The following PCDHGA4 variants were observed in gnomAD, a reference collection of about 807,000 sequenced individuals.
The protein encoded by PCDHGA4 is protocadherin gamma subfamily A, 4, also known as protocadherin gamma-A4.
A neutral mutation model predicts 54.6 loss-of-function variants in PCDHGA4; 38 were observed. That is an observed-to-expected ratio of 0.70 (90% CI 0.54 to 0.91). The LOEUF (loss-of-function observed/expected upper bound fraction) is 0.91, where lower values mean the gene tolerates loss of function less well. Ranked by LOEUF, PCDHGA4 falls within the 40% of genes least tolerant of loss-of-function variation. PCDHGA4 has a pLI of 0.00. For missense variants in PCDHGA4, 1,298 were observed against 1,220.9 expected (o/e 1.06, Z -0.94); for synonymous variants, 511 against 512.9 (o/e 1.00, Z 0.05).
intron 1 of PCDHGA4, among the ~76,000 whole-genome samples, chr5:141,407,684 G>C (rs2094967978): frequency 6.6e-6 from 1 of 152,094 alleles, no homozygotes; most frequent in South Asian, 2.1e-4. Flanking sequence ...GATTGGCTTT[G>C]TGGTGATCAT....
At chr5:141,470,838 C>T (rs142581300) in intron 1 of PCDHGA4, among the ~76,000 whole-genome samples, 5 of 152,222 alleles carry the variant, frequency 3.3e-5, no homozygotes, top group African/African-American at 7.2e-5. Flanking sequence ...CAAACACACG[C>T]CACCATGCTC....
intron 1 of PCDHGA4, chr5:141,361,170 T>C (rs1561522819): frequency 6.2e-7 from 1 of 1,613,976 alleles, no homozygotes; most frequent in Non-Finnish European, 8.5e-7. Flanking sequence ...ATTGTGCACC[T>C]GAAGTTATTG....
At chr5:141,433,400 TATCTATTA>T (rs1426636766) in intron 1 of PCDHGA4, among the ~76,000 whole-genome samples, 16 of 151,506 alleles carry the variant, frequency 1.1e-4, no homozygotes, top group African/African-American at 3.4e-4. Context: ...TCTATCTATC[TATCTATTA>T]CTTTCTTGTA....
chr5:141,389,837 A>C, intron 1 of PCDHGA4: 2 of 1,613,842 alleles, frequency 1.2e-6, no homozygotes, highest in South Asian at 2.2e-5. Context: ...GACAGCCACC[A>C]CTCTCGGCCA....
intron 1 of PCDHGA4, chr5:141,418,028 A>C (rs767425160): frequency 1.2e-6 from 2 of 1,613,970 alleles, no homozygotes; most frequent in East Asian, 4.5e-5. Context: ...TCTAGGGCTT[A>C]GTGTCCTGGA....
chr5:141,370,824 G>C, intron 1 of PCDHGA4: 1 of 1,613,996 alleles, frequency 6.2e-7, no homozygotes, highest in Non-Finnish European at 8.5e-7. Flanking sequence ...GGAAATCAGC[G>C]AACTGGCTCT....
intron 1 of PCDHGA4, chr5:141,423,851 C>A (rs1311833319): frequency 2.4e-6 from 3 of 1,275,940 alleles, no homozygotes; most frequent in East Asian, 3.1e-5. Context: ...TCTTTCAGAA[C>A]GTTTTTGTGA....
At position 141,356,171 on chromosome 5, in the gene PCDHGA4, G is replaced by A; in HGVS notation, c.1064G>A (p.Gly355Glu). 1 of 1,612,890 alleles carries A rather than the reference G, an allele frequency of 6.2e-7. No individual in the cohort carries two copies. Among genetic ancestry groups the A allele is most frequent in the South Asian group, 1.1e-5 (1 of 90,768 alleles). ...FYDIDVEAHD[G>E]PGLRARSKVL... ...GACATAGATGTAGAAGCCCATGATG[G>A]GCCTGGTCTCCGAGCTAGAAGCAAG... Residue 355 changes from glycine (G) to glutamate (E), a missense_variant, in exon 1 of 4, where the codon GGG becomes GAG. Physicochemically the swap from Gly to Glu is moderately conservative, Grantham distance 98. Transcript: ENST00000571252.
At position 141,427,625 on chromosome 5, in the gene PCDHGA4, T is replaced by G. The variant is rs150347956; in HGVS notation, c.2515-67182T>G. On this transcript the variant is annotated intron_variant, in intron 1 of 3. Coordinates refer to ENST00000571252, the MANE Select transcript of PCDHGA4 (RefSeq NM_018917.4). Reference sequence around the variant, plus strand: ...GCATTGGTGAAGTCAACGACAATGCTCCGGTTTTCCACCAAGTCTCCTACG... The same window carrying G: ...GCATTGGTGAAGTCAACGACAATGCGCCGGTTTTCCACCAAGTCTCCTACG... The G allele has an allele frequency of 2.7e-3, 1,907 of 699,068 alleles. 5 individuals are homozygous for G. The highest frequency in any genetic ancestry group is 4.1e-3 in the Non-Finnish European group (1,558 of 384,098). The allele number at this position is 699,068 out of a possible 1,614,324, so 43.3% of individuals were successfully genotyped here.
Position 141,432,236 on chromosome 5 carries a change from G to A in PCDHGA4, c.2515-62571G>A, listed in dbSNP as rs752735346. On this transcript the variant is annotated intron_variant, in intron 1 of 3. Coordinates refer to ENST00000571252, the MANE Select transcript of PCDHGA4 (RefSeq NM_018917.4). This position sits in a 1 kb window ranked among gnomAD's most constrained non-coding sequence, Gnocchi z 6.0. ...CGCCCAGATCACTTATTCCCTGGCT[G>A]AGAACACCATCCAAGGGGCAAGCCT... is the stretch of plus-strand genomic sequence containing the variant. The A allele has an allele frequency of 8.7e-6, 14 of 1,614,130 alleles. No individual in the cohort carries two copies. The African/African-American group carries it at 9.3e-5, about 11-fold the overall frequency.
At chr5:141,471,078 T>C (rs1370939177) in intron 1 of PCDHGA4, among the ~76,000 whole-genome samples, 1 of 142,250 alleles carries the variant, frequency 7.0e-6, no homozygotes, top group Non-Finnish European at 1.5e-5. Context: ...AGACAGGGTC[T>C]CCCTCTGTTG....
intron 1 of PCDHGA4, among the ~76,000 whole-genome samples, chr5:141,438,498 CAT>C (rs2097963931): frequency 6.7e-6 from 1 of 149,704 alleles, no homozygotes; most frequent in African/African-American, 2.5e-5. Context: ...AAAAAAGAAT[CAT>C]AGTGCAAAAC....
At chr5:141,457,422 T>TC (rs1038085994) in intron 1 of PCDHGA4, among the ~76,000 whole-genome samples, 6 of 151,626 alleles carry the variant, frequency 4.0e-5, no homozygotes, top group African/African-American at 7.3e-5. Flanking sequence ...CATCCCTTTT[T>TC]CCCCCCCACC....
At chr5:141,484,501 A>G (rs1185523120) in intron 1 of PCDHGA4, among the ~76,000 whole-genome samples, 2 of 152,232 alleles carry the variant, frequency 1.3e-5, no homozygotes, top group African/African-American at 4.8e-5. Flanking sequence ...GTTTCTGAAT[A>G]TTCTGCAGAA....
In PCDHGA4 at chr5:141,477,116, G is replaced by A. The variant is rs771557201; in HGVS notation, c.2515-17691G>A. ...AGACAAGGGCGCCAATCCCGAAGGA[G>A]CACATTGCAAAGTGTTGGTGGAGGT... On this transcript the variant is annotated intron_variant, in intron 1 of 3. Transcript: ENST00000571252. This position sits in a 1 kb window ranked among gnomAD's most constrained non-coding sequence, Gnocchi z 4.9. 1 of 1,614,252 alleles carries A rather than the reference G, an allele frequency of 6.2e-7. No homozygotes were observed. The highest frequency in any genetic ancestry group is 8.5e-7 in the Non-Finnish European group (1 of 1,180,052).
chr5:141,361,102 G>T lies in PCDHGA4; in HGVS notation c.2514+3481G>T, dbSNP rs1025745459. ...TTACACTCTGAGTATCGAAGCAAAA[G>T]ATCCTGGAGATCTAGCAGCCCACTG... On this transcript the variant is annotated intron_variant, in intron 1 of 3. Coordinates refer to ENST00000571252, the MANE Select transcript of PCDHGA4 (RefSeq NM_018917.4). The T allele has an allele frequency of 3.1e-6, 5 of 1,613,890 alleles. No individual in the cohort carries two copies. In the Admixed American group the frequency reaches 5.0e-5, roughly 16 times the overall value.
chr5:141,495,939 G>A (rs1408330065), intron 2 of PCDHGA4, among the ~76,000 whole-genome samples: 1 of 151,994 alleles, frequency 6.6e-6, no homozygotes, highest in Non-Finnish European at 1.5e-5. Context: ...TCTGGTCTCT[G>A]TGCCTGTTGT....
chr5:141,505,342 T>C (rs2099845433), intron 2 of PCDHGA4, 51 bp from the exon 3 acceptor site: 1 of 1,612,738 alleles, frequency 6.2e-7, no homozygotes, highest in African/African-American at 1.3e-5. Flanking sequence ...AGGAGGGGCA[T>C]GAGCTGTGCC....
intron 1 of PCDHGA4, chr5:141,394,707 C>T (rs1325466311): frequency 1.2e-6 from 2 of 1,613,272 alleles, no homozygotes; most frequent in Non-Finnish European, 1.7e-6. Context: ...GGCGCGAGCC[C>T]TGCTGGACAG....
Sources: gnomAD v4.1 joint callset for allele counts (sites outside exome capture counted in the v4.1 genomes callset) on GRCh38, gnomAD v4.1.1 for gene constraint, Gnocchi (gnomAD v3.1) non-coding constraint, MANE v1.5 for transcripts, NCBI Gene and HGNC (gene_info 2026-07-23, HGNC 2026-07-21) for gene names.